Variants in PLSCR1 observed in about 807,000 individuals in gnomAD.
The protein encoded by PLSCR1 is phospholipid scramblase 1.
PLSCR1 carries 17 observed loss-of-function variants against 37.8 expected under a neutral mutation model. The observed-to-expected ratio is 0.45, with a 90% CI of 0.31 to 0.68. The LOEUF (loss-of-function observed/expected upper bound fraction) is 0.68, where lower values mean the gene tolerates loss of function less well. Ranked by LOEUF, PLSCR1 falls within the 30% of genes least tolerant of loss-of-function variation. The pLI, the probability that PLSCR1 is intolerant of heterozygous loss-of-function variation, is 0.06. For synonymous variants in PLSCR1, 116 were observed against 125.9 expected, an observed-to-expected ratio of 0.92 and a Z score of 0.53; for missense variants, 347 against 380.9, an observed-to-expected ratio of 0.91 and a Z score of 0.74.
intron 4 of PLSCR1, among the ~76,000 whole-genome samples, chr3:146,526,818 T>C (rs993453441): frequency 6.6e-6 from 1 of 152,064 alleles, no homozygotes; most frequent in African/African-American, 2.4e-5. Context: ...CACTCATACA[T>C]GGAAGCTTAA....
At chr3:146,531,696 A>G (rs1484931573) in intron 3 of PLSCR1, among the ~76,000 whole-genome samples, 1 of 152,156 alleles carries the variant, frequency 6.6e-6, no homozygotes, top group African/African-American at 2.4e-5. Context: ...CATTGTGCTC[A>G]GTGTTTTACA....
chr3:146,524,537 T>C (rs758144703), intron 5 of PLSCR1, among the ~76,000 whole-genome samples: 1 of 151,984 alleles, frequency 6.6e-6, no homozygotes, highest in Non-Finnish European at 1.5e-5. Flanking sequence ...TTAACAAATA[T>C]TTATAAAGCC....
In PLSCR1 at chr3:146,543,197, C is replaced by T. The variant is rs541795524; in HGVS notation, c.-14+1270G>A. Among the ~76,000 whole-genome samples the T allele has an allele frequency of 3.3e-5, 5 of 152,216 alleles. 1 individual carries two copies. In the South Asian group the frequency reaches 1.0e-3, roughly 32 times the overall value. On this transcript the variant is annotated intron_variant, in intron 1 of 8. Transcript: ENST00000342435. ...GAGGTTACAGAGCAAAAGAGGGAGA[C>T]ATTCTTAGAGATGAAGATGGAGAAG...
chr3:146,534,267 T>C (rs760399524), intron 2 of PLSCR1, among the ~76,000 whole-genome samples: 6 of 152,222 alleles, frequency 3.9e-5, no homozygotes, highest in Non-Finnish European at 7.3e-5. Context: ...TTACTGAGCA[T>C]GTCCTGTGTC....
At chr3:146,536,822 T>A (rs921699509) in intron 1 of PLSCR1, 6 of 355,588 alleles carry the variant, frequency 1.7e-5, no homozygotes, top group Non-Finnish European at 2.6e-5. Context: ...GGGAAGAGGG[T>A]CCAGTGAGGC....
At chr3:146,528,387 T>C (rs186984913) in intron 4 of PLSCR1, 2 of 551,262 alleles carry the variant, frequency 3.6e-6, no homozygotes, top group Admixed American at 3.1e-5. Flanking sequence ...TGTTTGCTAT[T>C]GGCCATTATC....
At chr3:146,528,192 G>A (rs67651925) in intron 4 of PLSCR1, 18,820 of 162,950 alleles carry the variant, frequency 0.12, 2,165 homozygotes, top group African/African-American at 0.3. Context: ...CCAAAGTTTC[G>A]GGATTAAAAA....
intron 5 of PLSCR1, among the ~76,000 whole-genome samples, chr3:146,523,518 C>A (rs1175325738): frequency 6.6e-6 from 1 of 152,144 alleles, no homozygotes; most frequent in Non-Finnish European, 1.5e-5. Context: ...TGAAAGAAGG[C>A]AATGTACACG....
In PLSCR1 at chr3:146,515,349, T is replaced by C. The variant is rs945639317; in HGVS notation, c.*696A>G. The C allele has an allele frequency of 2.0e-5, 3 of 152,128 alleles. No individual in the cohort carries two copies. The highest frequency in any genetic ancestry group is 7.2e-5 in the African/African-American group (3 of 41,460). The allele number at this position is 152,128 out of a possible 1,614,324, so 9.4% of individuals were successfully genotyped here. ...AAGAGCTAAACATTTCATGTAGAAA[T>C]ATTAACTTTCAAAAGTTATAATACC... On this transcript the variant is annotated 3_prime_UTR_variant, in exon 9 of 9. Coordinates refer to ENST00000342435, the MANE Select transcript of PLSCR1 (RefSeq NM_021105.3).
In PLSCR1 at chr3:146,521,972, G is replaced by C; in HGVS notation, c.437C>G (p.Thr146Ser). ...ACAGCAATTTCGGGTACAGCAATCA[G>C]TATCTTCCGCTGCAAAGTAAACCCT... Reference protein sequence around the residue: ...GQRVYFAAEDTDCCTRNCCGP... With the variant: ...GQRVYFAAEDSDCCTRNCCGP... The change falls in exon 6 of 9, where the codon ACT becomes AGT. Residue 146 changes from threonine (T) to serine (S), a missense_variant. Coordinates refer to ENST00000342435, the MANE Select transcript of PLSCR1 (RefSeq NM_021105.3). The C allele has an allele frequency of 1.9e-6, 3 of 1,612,564 alleles. No individual in the cohort carries two copies. Among genetic ancestry groups the C allele is most frequent in the Non-Finnish European group, 2.5e-6 (3 of 1,178,632 alleles).
intron 1 of PLSCR1, among the ~76,000 whole-genome samples, chr3:146,538,814 C>T (rs2044299995): frequency 6.6e-6 from 1 of 151,730 alleles, no homozygotes; most frequent in Admixed American, 6.6e-5. Flanking sequence ...ATATTTTTGT[C>T]ATCATTTTAA....
intron 4 of PLSCR1, among the ~76,000 whole-genome samples, chr3:146,525,907 A>G (rs1229367433): frequency 6.6e-6 from 1 of 151,922 alleles, no homozygotes; most frequent in East Asian, 1.9e-4. Context: ...AAATTAGACA[A>G]TTGAGGTGGC....
intron 1 of PLSCR1, 90 bp from the exon 2 acceptor site, chr3:146,536,655 T>A (rs1174256948): frequency 3.9e-6 from 3 of 772,594 alleles, no homozygotes; most frequent in Non-Finnish European, 6.9e-6. Context: ...AACTACACAG[T>A]CACATTCATA....
chr3:146,535,367 T>A (rs1227699019), intron 2 of PLSCR1, among the ~76,000 whole-genome samples: 3 of 152,110 alleles, frequency 2.0e-5, no homozygotes, highest in Admixed American at 1.3e-4. Flanking sequence ...GGGGAATTCA[T>A]ACAAGGAGAA....
intron 3 of PLSCR1, among the ~76,000 whole-genome samples, chr3:146,532,255 G>A (rs2044209115): frequency 1.3e-5 from 2 of 152,070 alleles, no homozygotes; most frequent in African/African-American, 4.8e-5. Flanking sequence ...TCTCTTAAGT[G>A]CCTTGGATGA....
chr3:146,542,607 T>A, intron 1 of PLSCR1, among the ~76,000 whole-genome samples: 1 of 152,220 alleles, frequency 6.6e-6, no homozygotes, highest in East Asian at 1.9e-4. Context: ...AGACAACATA[T>A]GGAGACATCA....
At chr3:146,535,238 T>C (rs925420033) in intron 2 of PLSCR1, among the ~76,000 whole-genome samples, 1 of 150,992 alleles carries the variant, frequency 6.6e-6, no homozygotes, top group Non-Finnish European at 1.5e-5. Context: ...GTTTGAATAC[T>C]ATAACATAGA....
chr3:146,522,246 G>T (rs1051187741), intron 5 of PLSCR1, among the ~76,000 whole-genome samples, 193 bp from the exon 6 acceptor site: 5 of 152,076 alleles, frequency 3.3e-5, no homozygotes, highest in African/African-American at 1.2e-4. Flanking sequence ...AATGTATAGA[G>T]AAATTAAGTC....
In PLSCR1 at chr3:146,528,826, G is replaced by C; in HGVS notation, c.100C>G (p.Pro34Ala). The change falls in exon 4 of 9, where the codon CCA (proline) becomes GCA (alanine). Residue 34 changes from proline to alanine, a missense_variant. Coordinates refer to ENST00000342435, the MANE Select transcript of PLSCR1 (RefSeq NM_021105.3). ...GGCCCAGGGTAGCCACTATATCCTGGAGGTCCTGAAATACAAACAAGTGAA... is the reference window on the plus strand; with the variant it reads ...GGCCCAGGGTAGCCACTATATCCTGCAGGTCCTGAAATACAAACAAGTGAA... ...QYPPTAFQGP[P>A]GYSGYPGPQV... 3 of 1,611,080 alleles carry C rather than the reference G, an allele frequency of 1.9e-6. No homozygotes were observed. The highest frequency in any genetic ancestry group is 1.7e-6 in the Non-Finnish European group (2 of 1,178,568).
Sources: gnomAD v4.1 joint callset for allele counts (sites outside exome capture counted in the v4.1 genomes callset) on GRCh38, gnomAD v4.1.1 for gene constraint, MANE v1.5 for transcripts, NCBI Gene and HGNC (gene_info 2026-07-23, HGNC 2026-07-21) for gene names.